The following ADAM20 variants were observed in gnomAD, a reference collection of about 807,000 sequenced individuals.
ADAM20 encodes the protein ADAM metallopeptidase domain 20.
For missense variants in ADAM20, 871 were observed against 883.2 expected (o/e 0.99, Z 0.18); for synonymous variants, 305 against 310.2 (o/e 0.98, Z 0.18).
At chr14:70,568,617 A>G in the ADAM20 span, among the ~76,000 whole-genome samples, 1 of 152,242 alleles carries the variant, frequency 6.6e-6, no homozygotes, top group African/African-American at 2.4e-5. Context: ...TTGAAATCCA[A>G]TACAAAGACA....
Position 70,524,736 on chromosome 14 carries a change from C to A in ADAM20, c.22G>T (p.Val8Leu), listed in dbSNP as rs1398256889. 1 of 1,613,916 alleles carries A rather than the reference C, an allele frequency of 6.2e-7. No individual in the cohort carries two copies. The highest frequency in any genetic ancestry group is 8.5e-7 in the Non-Finnish European group (1 of 1,179,928). Residue 8 changes from valine to leucine, a missense_variant, in exon 2 of 2, where the codon GTG becomes TTG. Transcript: ENST00000256389. ...AGCAGAAGAGTGACCCTGATGTGCA[C>A]CAGGGGCTCACCCACTGCCATTATG... MAVGEPL[V>L]HIRVTLLLLW...
intron 1 of ADAM20, among the ~76,000 whole-genome samples, chr14:70,528,581 G>A (rs1883641965): frequency 6.6e-6 from 1 of 152,134 alleles, no homozygotes; most frequent in Admixed American, 6.6e-5. Flanking sequence ...TAAACAAAAA[G>A]GTTTCCTCAT....
At chr14:70,539,813 A>G (rs1352900008), upstream of ADAM20, among the ~76,000 whole-genome samples, 1 of 152,146 alleles carries the variant, frequency 6.6e-6, no homozygotes, top group Non-Finnish European at 1.5e-5. Context: ...TAATCAAATG[A>G]CCCTAAATCC....
At chr14:70,532,281 CA>C (rs1194905178) in intron 1 of ADAM20, among the ~76,000 whole-genome samples, 2 of 151,850 alleles carry the variant, frequency 1.3e-5, no homozygotes, top group Non-Finnish European at 2.9e-5. Flanking sequence ...TATCCACATG[CA>C]AAAGCATGAA....
the ADAM20 span, among the ~76,000 whole-genome samples, chr14:70,562,015 C>T: frequency 6.6e-6 from 1 of 152,222 alleles, no homozygotes; most frequent in Non-Finnish European, 1.5e-5. Flanking sequence ...GGCCACCATC[C>T]TCCAGACCCC....
chr14:70,535,755 T>C (rs1253993452), upstream of ADAM20, among the ~76,000 whole-genome samples: 2 of 152,202 alleles, frequency 1.3e-5, no homozygotes, highest in African/African-American at 4.8e-5. Flanking sequence ...TTGCAACATT[T>C]TACTAATTCA....
intron 1 of ADAM20, among the ~76,000 whole-genome samples, chr14:70,528,566 T>C (rs1180618918): frequency 6.6e-6 from 1 of 152,212 alleles, no homozygotes; most frequent in Non-Finnish European, 1.5e-5. Flanking sequence ...CTTCTTAGGA[T>C]GTGTTAAACA....
chr14:70,556,307 G>A, the ADAM20 span: 2 of 152,358 alleles, frequency 1.3e-5, no homozygotes, highest in Non-Finnish European at 2.9e-5. Flanking sequence ...CCACATCATT[G>A]GTTTAAGGCC....
upstream of ADAM20, among the ~76,000 whole-genome samples, chr14:70,539,312 C>A (rs527692740): frequency 6.6e-6 from 1 of 152,376 alleles, no homozygotes; most frequent in South Asian, 2.1e-4. Context: ...CTTCCCCCTG[C>A]AGAGAGCCTA....
the ADAM20 span, among the ~76,000 whole-genome samples, chr14:70,540,154 C>T: frequency 6.6e-6 from 1 of 152,156 alleles, no homozygotes; most frequent in African/African-American, 2.4e-5. Context: ...GCTGGGATTA[C>T]AGGCATGAGC....
chr14:70,531,886 G>A (rs938643546), intron 1 of ADAM20, among the ~76,000 whole-genome samples: 1 of 152,092 alleles, frequency 6.6e-6, no homozygotes, highest in African/African-American at 2.4e-5. Flanking sequence ...CTCATTCATA[G>A]ACTAGAAGAC....
the ADAM20 span, among the ~76,000 whole-genome samples, chr14:70,542,054 A>G: frequency 6.7e-6 from 1 of 148,558 alleles, no homozygotes; most frequent in Admixed American, 6.6e-5. Flanking sequence ...GGGAGACTAG[A>G]GTGATCTTTT....
intron 1 of ADAM20, among the ~76,000 whole-genome samples, chr14:70,534,134 A>G (rs1455399543): frequency 6.6e-6 from 1 of 151,268 alleles, no homozygotes; most frequent in African/African-American, 2.4e-5. Context: ...ACGCACACAA[A>G]AACACTTAAA....
chr14:70,566,700 C>G, the ADAM20 span, among the ~76,000 whole-genome samples: 1 of 152,116 alleles, frequency 6.6e-6, no homozygotes, highest in Non-Finnish European at 1.5e-5. Flanking sequence ...AGGCGGGAGG[C>G]CGGGCGCGGT....
chr14:70,543,246 T>C, the ADAM20 span, among the ~76,000 whole-genome samples: 1 of 152,212 alleles, frequency 6.6e-6, no homozygotes, highest in African/African-American at 2.4e-5. Context: ...AACTTTTTAA[T>C]GGAAATTATT....
chr14:70,553,309 TA>T, the ADAM20 span, among the ~76,000 whole-genome samples: 1,678 of 17,270 alleles, frequency 0.097, 15 homozygotes, highest in Middle Eastern at 0.25. Context: ...TAGAGTATAA[TA>T]AAAAAAAAAA....
chr14:70,536,859 C>A (rs532126114), upstream of ADAM20, among the ~76,000 whole-genome samples: 4 of 151,274 alleles, frequency 2.6e-5, no homozygotes, highest in African/African-American at 9.7e-5. Context: ...TTCTCCCCCA[C>A]ACAGAAACAT....
intron 1 of ADAM20, among the ~76,000 whole-genome samples, chr14:70,531,060 G>A (rs540545808): frequency 2.0e-5 from 3 of 151,956 alleles, no homozygotes; most frequent in Non-Finnish European, 4.4e-5. Flanking sequence ...TATTTGAAAA[G>A]ATCAACAAAA....
chr14:70,562,605 T>C, the ADAM20 span, among the ~76,000 whole-genome samples: 3 of 152,202 alleles, frequency 2.0e-5, no homozygotes, highest in African/African-American at 4.8e-5. Flanking sequence ...GACTGGATCA[T>C]AGGGCAGATT....
Sources: gnomAD v4.1 joint callset for allele counts (sites outside exome capture counted in the v4.1 genomes callset) on GRCh38, gnomAD v4.1.1 for gene constraint, MANE v1.5 for transcripts, NCBI Gene and HGNC (gene_info 2026-07-23, HGNC 2026-07-21) for gene names.